Variants in PER3 observed in about 807,000 individuals in gnomAD.
PER3 encodes the protein period circadian regulator 3.
PER3 carries 107 observed loss-of-function variants against 127.2 expected under a neutral mutation model. That is an observed-to-expected ratio of 0.84 (90% CI 0.72 to 0.99). PER3 has a LOEUF of 0.99. Ranked by LOEUF, PER3 falls within the 50% of genes least tolerant of loss-of-function variation. The probability of loss-of-function intolerance (pLI) is 0.00; values close to 1 mark genes in which losing one functional copy is unlikely to be tolerated. For synonymous variants in PER3, 618 were observed against 585.8 expected (o/e 1.05, Z -0.79); for missense variants, 1,560 against 1,525.8 (o/e 1.02, Z -0.37).
intron 13 of PER3, 37 bp from the exon 14 acceptor site, chr1:7,819,248 G>T (rs1256027798): frequency 6.3e-7 from 1 of 1,583,304 alleles, no homozygotes. Context: ...TTACATGCTG[G>T]GTACTTTTAA....
At chr1:7,819,227 T>C in intron 13 of PER3, 58 bp from the exon 14 acceptor site, 4 of 1,477,864 alleles carry the variant, frequency 2.7e-6, no homozygotes, top group Non-Finnish European at 3.7e-6. Context: ...TAAGAAAGTA[T>C]ATGTTCTTAA....
At chr1:7,813,491 CGACAGCCT>C (rs931688678) in intron 13 of PER3, among the ~76,000 whole-genome samples, 3 of 152,074 alleles carry the variant, frequency 2.0e-5, no homozygotes, top group African/African-American at 7.2e-5. Context: ...TCCAGTGCAC[CGACAGCCT>C]GAGTCAAGTA....
Position 7,826,963 on chromosome 1 carries a change from G to A in PER3, c.2189-155G>A, listed in dbSNP as rs147815819. On this transcript the variant is annotated intron_variant, in intron 17 of 21. Coordinates refer to ENST00000377532, the MANE Select transcript of PER3 (RefSeq NM_001377275.1). This position sits in a 1 kb window ranked among gnomAD's most constrained non-coding sequence, Gnocchi z 4.2. ...TATTTGATAGCAACTATTTTTATCC[G>A]GAATTTTGTTCATCTTTTTAGAGCC... The A allele has an allele frequency of 2.6e-4, 170 of 650,248 alleles. 1 individual carries two copies. In the African/African-American group the frequency reaches 2.7e-3, roughly 10 times the overall value. The allele number at this position is 650,248 out of a possible 1,614,324, so 40.3% of individuals were successfully genotyped here.
chr1:7,817,918 C>A (rs2097258886), intron 13 of PER3, among the ~76,000 whole-genome samples: 1 of 152,148 alleles, frequency 6.6e-6, no homozygotes, highest in African/African-American at 2.4e-5. Flanking sequence ...ACAGGACAAA[C>A]AAACCTGAGA....
intron 11 of PER3, 88 bp downstream of exon 11, chr1:7,809,086 A>G (rs1050499502): frequency 1.5e-6 from 1 of 660,546 alleles, no homozygotes; most frequent in Non-Finnish European, 2.6e-6. Context: ...AATAAACTGT[A>G]AAGGGAGACA....
rs752009005 is a variant in PER3, at chr1:7,798,519, C to T, written c.645-6C>T. On this transcript the variant is annotated splice_region_variant and splice_polypyrimidine_tract_variant and intron_variant, in intron 6 of 21. Transcript: ENST00000377532. ...GGACCAGCACTAATATCTTTAATCT[C>T]CTCAGTGGAGGTGAAGACAGAAAGC... 5.0e-6 allele frequency: 8 copies of T among 1,612,608 alleles called. No individual in the cohort carries two copies. Among genetic ancestry groups the T allele is most frequent in the East Asian group, 2.2e-5 (1 of 44,866 alleles).
chr1:7,789,162 C>T (rs1319882826), intron 5 of PER3, among the ~76,000 whole-genome samples: 3 of 119,346 alleles, frequency 2.5e-5, no homozygotes, highest in Non-Finnish European at 3.7e-5. Flanking sequence ...TATATATCAG[C>T]GTTCTCTTTG....
rs753618648 is a variant in PER3 at position 7,820,189 on chromosome 1, CAGA to C, written c.1740_1742del (p.Glu580del). The C allele has an allele frequency of 1.2e-6, 2 of 1,611,678 alleles. No individual in the cohort carries two copies. The highest frequency in any genetic ancestry group is 1.7e-6 in the Non-Finnish European group (2 of 1,177,786). ...TGTACAAATACAACTTCTTCCTCCT[CAGA>C]AGAAGACAAACAGAACCACAAGGCA... On this transcript the variant is annotated inframe_deletion, in exon 15 of 22. Coordinates refer to ENST00000377532, the MANE Select transcript of PER3 (RefSeq NM_001377275.1).
At chr1:7,797,941 G>C (rs1239974614) in intron 6 of PER3, among the ~76,000 whole-genome samples, 1 of 152,216 alleles carries the variant, frequency 6.6e-6, no homozygotes, top group African/African-American at 2.4e-5. Flanking sequence ...GGAGTGGAAA[G>C]GGGTGCGCCC....
chr1:7,790,033 C>T (rs1011147854), intron 5 of PER3, among the ~76,000 whole-genome samples: 1 of 152,218 alleles, frequency 6.6e-6, no homozygotes, highest in Admixed American at 6.5e-5. Flanking sequence ...GATACAGATA[C>T]AGCTGTGAAC....
At chr1:7,811,317 G>T (rs562998416) in intron 13 of PER3, among the ~76,000 whole-genome samples, 1 of 152,250 alleles carries the variant, frequency 6.6e-6, no homozygotes, top group Admixed American at 6.5e-5. Context: ...TGAAATTTTT[G>T]AGGTCAATAA....
chr1:7,810,560 T>C lies in PER3; in HGVS notation c.1494T>C (p.Asn498=), dbSNP rs370464131. The C allele has an allele frequency of 9.1e-5, 146 of 1,610,952 alleles. No homozygotes were observed. The highest frequency in any genetic ancestry group is 1.2e-4 in the Non-Finnish European group (140 of 1,178,976). The part of the protein sequence containing the change: ...KPVTGTRTEP[N]GGGESANGGG... The stretch of plus-strand genomic sequence containing the variant: ...TGACGGGGACACGCACAGAACCGAA[T>C]GGTGGTGGTGAGTCAGCGAATGGTG... The change falls in exon 13 of 22, where the codon AAT becomes AAC. Residue 498 remains asparagine, a synonymous_variant. Coordinates refer to ENST00000377532, the MANE Select transcript of PER3 (RefSeq NM_001377275.1).
intron 7 of PER3, 35 bp downstream of exon 7, chr1:7,798,708 A>G (rs1410120896): frequency 1.9e-6 from 3 of 1,564,414 alleles, no homozygotes; most frequent in Non-Finnish European, 1.8e-6. Context: ...AATGTCAGCA[A>G]TCAGATAGGA....
At position 7,820,737 on chromosome 1, in the gene PER3, T is replaced by C. The variant is rs997880250; in HGVS notation, c.1957+97T>C. On this transcript the variant is annotated intron_variant, in intron 16 of 21. Coordinates refer to ENST00000377532, the MANE Select transcript of PER3 (RefSeq NM_001377275.1). The stretch of plus-strand genomic sequence containing the variant: ...TGAATACCATTCGCTCGGTTGTAAC[T>C]TCTAAACTACACATATTTTTTCCTT... 3.4e-5 allele frequency: 31 copies of C among 923,980 alleles called. No individual in the cohort carries two copies. In the African/African-American group the frequency reaches 4.8e-4, roughly 14 times the overall value. The allele number at this position is 923,980 out of a possible 1,614,324, so 57.2% of individuals were successfully genotyped here.
chr1:7,788,442 T>G (rs974787427), intron 5 of PER3, 196 bp downstream of exon 5: 1 of 575,402 alleles, frequency 1.7e-6, no homozygotes, highest in African/African-American at 1.9e-5. Context: ...TTTGTTTCCA[T>G]TTTGTCACAT....
intron 21 of PER3, among the ~76,000 whole-genome samples, chr1:7,841,201 C>T (rs555017412): frequency 7.2e-4 from 109 of 152,054 alleles, no homozygotes; most frequent in Non-Finnish European, 1.3e-3. Context: ...ACATTCAAAG[C>T]CATCCTGGGC....
chr1:7,827,663 G>C lies in PER3; in HGVS notation c.2734G>C (p.Glu912Gln). Reference sequence around the variant, plus strand: ...TTCAGTCACCAGCCAAAGGAGAGAGGAGGAAAAGTGGGAGGCACAAAGCGA... The same window carrying C: ...TTCAGTCACCAGCCAAAGGAGAGAGCAGGAAAAGTGGGAGGCACAAAGCGA... ...PPSVTSQRREEEKWEAQSEGH... is the reference protein window; with the variant it reads ...PPSVTSQRREQEKWEAQSEGH... Residue 912 changes from glutamate to glutamine, a missense_variant, in exon 18 of 22, where the codon GAG becomes CAG. Around this residue, in one of 3 missense-constraint regions of PER3, gnomAD observed 1,332 missense variants for 1,223.6 expected, o/e 1.09. Coordinates refer to ENST00000377532, the MANE Select transcript of PER3 (RefSeq NM_001377275.1). 1 of 1,614,208 alleles carries C rather than the reference G, an allele frequency of 6.2e-7. No homozygotes were observed. The highest frequency in any genetic ancestry group is 1.1e-5 in the South Asian group (1 of 91,082).
rs1295733179 is a variant in PER3 at position 7,803,138 on chromosome 1, GC to G, written c.966del (p.Ile323TyrfsTer6). On this transcript the variant is annotated frameshift_variant, in exon 9 of 22. Transcript: ENST00000377532. LOFTEE classifies it high-confidence loss of function. Reference sequence around the variant, plus strand: ...CCCTGAAGATCGTTCTCTGATGGTTGCCATACACCAAAAAGGTCAGGACCTA... The same window carrying G: ...CCCTGAAGATCGTTCTCTGATGGTTGCATACACCAAAAAGGTCAGGACCTA... Reference protein sequence around the residue: ...LHPEDRSLMVAIHQKVLKYAG... With the variant: ...LHPEDRSLMVXIHQKVLKYAG... The G allele has an allele frequency of 6.2e-7, 1 of 1,602,756 alleles. No individual in the cohort carries two copies. Among genetic ancestry groups the G allele is most frequent in the East Asian group, 2.2e-5 (1 of 44,840 alleles).
chr1:7,804,463 G>C (rs956007264), intron 10 of PER3, among the ~76,000 whole-genome samples: 1 of 148,340 alleles, frequency 6.7e-6, no homozygotes, highest in South Asian at 2.1e-4. Context: ...GCAGTGATGC[G>C]ATCACAGCTC....
Sources: gnomAD v4.1 joint callset for allele counts (sites outside exome capture counted in the v4.1 genomes callset) on GRCh38, gnomAD v4.1.1 for gene constraint, gnomAD v4.1.1 regional missense constraint, Gnocchi (gnomAD v3.1) non-coding constraint, MANE v1.5 for transcripts, NCBI Gene and HGNC (gene_info 2026-07-23, HGNC 2026-07-21) for gene names.